G3BP1: variants seen among roughly 807,000 people sequenced by gnomAD.
The protein encoded by G3BP1 is ras GTPase-activating protein-binding protein 1.
A neutral mutation model predicts 58.6 loss-of-function variants in G3BP1; 35 were observed. The ratio of observed to expected loss-of-function variants is 0.60; its 90% confidence interval spans 0.46 to 0.79. The LOEUF (loss-of-function observed/expected upper bound fraction) is 0.79, where lower values mean the gene tolerates loss of function less well. G3BP1 is among the 30% of genes least tolerant of loss of function. The pLI is 0.00. For missense variants in G3BP1, 523 were observed against 580.8 expected, an observed-to-expected ratio of 0.90 and a Z score of 1.02; for synonymous variants, 191 against 195.4, an observed-to-expected ratio of 0.98 and a Z score of 0.19.
intron 4 of G3BP1, among the ~76,000 whole-genome samples, chr5:151,793,831 CAAA>C (rs751382380): frequency 0.012 from 1,190 of 97,786 alleles, 9 homozygotes; most frequent in Non-Finnish European, 0.018. Flanking sequence ...CGTCTCTACT[CAAA>C]AAAAAAAAAA....
Position 151,808,728 on chromosome 5 carries a change from G to A in G3BP1, c.*4637G>A, listed in dbSNP as rs1258996389. The A allele has an allele frequency of 1.3e-5, 2 of 152,122 alleles. No individual in the cohort carries two copies. Among genetic ancestry groups the A allele is most frequent in the Non-Finnish European group, 2.9e-5 (2 of 68,028 alleles). The allele number at this position is 152,122 out of a possible 1,614,324, so 9.4% of individuals were successfully genotyped here. A position where few individuals can be genotyped will look rare whatever the true frequency, so the allele number is the denominator to read the frequency against. On this transcript the variant is annotated 3_prime_UTR_variant, in exon 12 of 12. Transcript: ENST00000356245. ...CTTAGGATTTTTTTAAGTAAATTAAGGATGTTTACCAGAAATTATTGATTT... is the reference window on the plus strand; with the variant it reads ...CTTAGGATTTTTTTAAGTAAATTAAAGATGTTTACCAGAAATTATTGATTT...
In G3BP1 at chr5:151,800,210, C is replaced by T. The variant is rs775082415; in HGVS notation, c.956-8C>T. 9.9e-6 allele frequency: 16 copies of T among 1,611,294 alleles called. No individual in the cohort carries two copies. The highest frequency in any genetic ancestry group is 1.4e-5 in the Non-Finnish European group (16 of 1,179,400). On this transcript the variant is annotated splice_region_variant and splice_polypyrimidine_tract_variant and intron_variant, in intron 9 of 11. Transcript: ENST00000356245. ...TGTCTTTCATTGATGTTTTTGTCTC[C>T]TTTTAAGTCCGTGAGGCTGGTGAGC...
In G3BP1 at chr5:151,800,786, A is replaced by G. The variant is rs1762836829; in HGVS notation, c.1111A>G (p.Ile371Val). ...TTATGGAAACGTGGTGGAGTTGCGC[A>G]TTAACAGTGGTGGGAAATTACCCAA... is the stretch of plus-strand genomic sequence containing the variant. Reference protein sequence around the residue: ...QSYGNVVELRINSGGKLPNFG... With the variant: ...QSYGNVVELRVNSGGKLPNFG... Residue 371 changes from isoleucine to valine, a missense_variant, in exon 11 of 12, where the codon ATT (isoleucine) becomes GTT (valine). Coordinates refer to ENST00000356245, the MANE Select transcript of G3BP1 (RefSeq NM_005754.3). 2.5e-6 allele frequency: 4 copies of G among 1,611,916 alleles called. No individual in the cohort carries two copies. The highest frequency in any genetic ancestry group is 2.2e-5 in the South Asian group (2 of 91,026).
At chr5:151,800,952 C>A in intron 11 of G3BP1, 83 bp downstream of exon 11, 1 of 673,680 alleles carries the variant, frequency 1.5e-6, no homozygotes, top group Non-Finnish European at 2.6e-6. Context: ...ACAGCTGGGT[C>A]TTTATGTAAA....
chr5:151,779,394 T>G (rs1762429386), intron 1 of G3BP1, among the ~76,000 whole-genome samples: 1 of 152,204 alleles, frequency 6.6e-6, no homozygotes, highest in Non-Finnish European at 1.5e-5. Context: ...TCTAATTGTT[T>G]CAGTACCAGT....
intron 4 of G3BP1, chr5:151,791,305 G>A (rs1306072868): frequency 6.4e-6 from 2 of 314,092 alleles, no homozygotes; most frequent in South Asian, 1.4e-4. Context: ...CCATTCTGTA[G>A]TACAGTTATC....
rs1326071806 is a variant in G3BP1, at chr5:151,795,519, A to C, written c.483A>C (p.Gln161His). ...EEVEEPEERQ[Q>H]TPEVVPDDSG... ...TAGAGGAACCTGAAGAAAGACAGCAAACACCTGAGGTGGTACCTGATGATT... is the reference window on the plus strand; with the variant it reads ...TAGAGGAACCTGAAGAAAGACAGCACACACCTGAGGTGGTACCTGATGATT... Residue 161 changes from glutamine to histidine, a missense_variant, in exon 6 of 12, where the codon CAA becomes CAC. By Grantham distance (24) the Gln-to-His change is conservative (BLOSUM62 0). Coordinates refer to ENST00000356245, the MANE Select transcript of G3BP1 (RefSeq NM_005754.3). 6.2e-7 allele frequency: 1 copy of C among 1,607,702 alleles called. No homozygotes were observed. Among genetic ancestry groups the C allele is most frequent in the Non-Finnish European group, 8.5e-7 (1 of 1,174,684 alleles).
intron 2 of G3BP1, among the ~76,000 whole-genome samples, chr5:151,789,188 A>G (rs1762604169): frequency 6.6e-6 from 1 of 151,630 alleles, no homozygotes; most frequent in African/African-American, 2.4e-5. Flanking sequence ...TATGCCTGTA[A>G]TTCTAGCACT....
chr5:151,781,196 T>G (rs187744191), intron 1 of G3BP1, among the ~76,000 whole-genome samples: 202 of 152,328 alleles, frequency 1.3e-3, no homozygotes, highest in African/African-American at 4.4e-3. Flanking sequence ...TATTACAGAG[T>G]TAAAATTTAT....
chr5:151,774,413 T>C (rs964185710), intron 1 of G3BP1, among the ~76,000 whole-genome samples: 1 of 152,048 alleles, frequency 6.6e-6, no homozygotes, highest in East Asian at 1.9e-4. Context: ...TTTAAGTTTT[T>C]GTAAAAGTTT....
At chr5:151,801,324 A>G (rs751486222) in intron 11 of G3BP1, among the ~76,000 whole-genome samples, 20 of 152,194 alleles carry the variant, frequency 1.3e-4, no homozygotes, top group Admixed American at 7.9e-4. Flanking sequence ...TATATAGTCA[A>G]CCTACTTGGA....
rs760387651 is a variant in G3BP1 at position 151,800,205 on chromosome 5, G to A, written c.956-13G>A. ...TCTCTTGTCTTTCATTGATGTTTTTGTCTCCTTTTAAGTCCGTGAGGCTGG... is the reference window on the plus strand; with the variant it reads ...TCTCTTGTCTTTCATTGATGTTTTTATCTCCTTTTAAGTCCGTGAGGCTGG... On this transcript the variant is annotated splice_polypyrimidine_tract_variant and intron_variant, in intron 9 of 11. Transcript: ENST00000356245. 1.2e-5 allele frequency: 19 copies of A among 1,609,408 alleles called. No homozygotes were observed. The highest frequency in any genetic ancestry group is 1.6e-5 in the Non-Finnish European group (19 of 1,178,782).
chr5:151,796,525 C>T (rs753326606), intron 6 of G3BP1, among the ~76,000 whole-genome samples: 6 of 152,200 alleles, frequency 3.9e-5, no homozygotes, highest in Non-Finnish European at 7.4e-5. Flanking sequence ...ACCTTGGCCT[C>T]GCAAAGTGCT....
intron 7 of G3BP1, 143 bp from the exon 8 acceptor site, chr5:151,799,069 A>G: frequency 3.4e-6 from 2 of 587,420 alleles, no homozygotes; most frequent in South Asian, 4.2e-5. Flanking sequence ...CTGAAAGAGA[A>G]GAATCTTAAT....
Position 151,812,321 on chromosome 5 carries a change from A to G in G3BP1, c.*8230A>G, listed in dbSNP as rs1321828428. ...GTGTTTCAGGAAACATGCCCTAGCT[A>G]TTGGAAGTTCGTATCTAACTTTTAC... On this transcript the variant is annotated 3_prime_UTR_variant, in exon 12 of 12. Transcript: ENST00000356245. The G allele has an allele frequency of 6.6e-6, 1 of 152,218 alleles. No individual in the cohort carries two copies. The highest frequency in any genetic ancestry group is 1.5e-5 in the Non-Finnish European group (1 of 68,034). 9.4% of individuals were successfully genotyped at this position (152,218 alleles called of 1,614,324 possible).
rs1383829602 is a variant in G3BP1 at position 151,805,261 on chromosome 5, A to G, written c.*1170A>G. On this transcript the variant is annotated 3_prime_UTR_variant, in exon 12 of 12. Coordinates refer to ENST00000356245, the MANE Select transcript of G3BP1 (RefSeq NM_005754.3). ...ATCATAGCCATATGGTAAATTTTCTATTTTGTTATGGTTCTCTTTTATTGA... is the reference window on the plus strand; with the variant it reads ...ATCATAGCCATATGGTAAATTTTCTGTTTTGTTATGGTTCTCTTTTATTGA... The G allele has an allele frequency of 6.7e-6, 1 of 149,314 alleles. No individual in the cohort carries two copies. Among genetic ancestry groups the G allele is most frequent in the Admixed American group, 6.7e-5 (1 of 14,942 alleles). The allele number at this position is 149,314 out of a possible 1,614,324, so 9.2% of individuals were successfully genotyped here. A position where few individuals can be genotyped will look rare whatever the true frequency, so the allele number is the denominator to read the frequency against.
chr5:151,777,184 T>C (rs1762386841), intron 1 of G3BP1, among the ~76,000 whole-genome samples: 1 of 152,230 alleles, frequency 6.6e-6, no homozygotes, highest in Non-Finnish European at 1.5e-5. Flanking sequence ...TCTGTATTCA[T>C]GTTACTCCAG....
rs1055289793 is a variant in G3BP1, at chr5:151,812,751, G to C, written c.*8660G>C. 3.9e-5 allele frequency: 6 copies of C among 152,174 alleles called. No individual in the cohort carries two copies. Among genetic ancestry groups the C allele is most frequent in the African/African-American group, 1.2e-4 (5 of 41,442 alleles). The allele number at this position is 152,174 out of a possible 1,614,324, so 9.4% of individuals were successfully genotyped here. A position where few individuals can be genotyped will look rare whatever the true frequency, so the allele number is the denominator to read the frequency against. On this transcript the variant is annotated 3_prime_UTR_variant, in exon 12 of 12. Coordinates refer to ENST00000356245, the MANE Select transcript of G3BP1 (RefSeq NM_005754.3). ...CCTCCAGTGACTGTGCATTTATTTT[G>C]TAATAAACTCATTTTGGAATGTTTT... is the stretch of plus-strand genomic sequence containing the variant.
rs995212847 is a variant in G3BP1, at chr5:151,799,942, G to A, written c.897G>A (p.Arg299=). Residue 299 remains arginine, a synonymous_variant, in exon 9 of 12, where the codon CGG becomes CGA. Transcript: ENST00000356245. ...AGATTCCACCACAAAGACCTCAGCGGGATCAAAGAGTGCGAGAACAACGAA... is the reference window on the plus strand; with the variant it reads ...AGATTCCACCACAAAGACCTCAGCGAGATCAAAGAGTGCGAGAACAACGAA... The part of the protein sequence containing the change: ...ESQIPPQRPQ[R]DQRVREQRIN... 1.2e-6 allele frequency: 2 copies of A among 1,613,726 alleles called. No homozygotes were observed. The highest frequency in any genetic ancestry group is 1.7e-6 in the Non-Finnish European group (2 of 1,179,640).
Sources: gnomAD v4.1 joint callset for allele counts (sites outside exome capture counted in the v4.1 genomes callset) on GRCh38, gnomAD v4.1.1 for gene constraint, MANE v1.5 for transcripts, NCBI Gene and HGNC (gene_info 2026-07-23, HGNC 2026-07-21) for gene names.